Variants in FARP2 observed in about 807,000 individuals in gnomAD.
FARP2 encodes the protein FERM, ARHGEF and pleckstrin domain-containing protein 2.
FARP2 carries 111 observed loss-of-function variants against 130.5 expected under a neutral mutation model. The observed-to-expected ratio is 0.85, with a 90% CI of 0.73 to 1.00. The LOEUF (loss-of-function observed/expected upper bound fraction) is 1.00. Ranked by LOEUF, FARP2 falls within the 50% of genes least tolerant of loss-of-function variation. The probability of loss-of-function intolerance (pLI) is 0.00; values close to 1 mark genes in which losing one functional copy is unlikely to be tolerated. For missense variants in FARP2, 1,385 were observed against 1,346.3 expected (o/e 1.03, Z -0.45); for synonymous variants, 504 against 516.9 (o/e 0.98, Z 0.34).
chr2:241,484,131 C>T, intron 20 of FARP2, 111 bp from the exon 21 acceptor site: 1 of 1,497,322 alleles, frequency 6.7e-7, no homozygotes, highest in Non-Finnish European at 8.9e-7. Context: ...AAATCTCCAG[C>T]AAGCTGCACA....
In FARP2 at chr2:241,434,350, C is replaced by T. The variant is rs756632981; in HGVS notation, c.1031+29C>T. On this transcript the variant is annotated intron_variant, in intron 10 of 26. Coordinates refer to ENST00000264042, the MANE Select transcript of FARP2 (RefSeq NM_014808.4). ...GGGGCCATGCCGTGGCTTGCATGGG[C>T]CCCTCACTGGTTTGTAAAGCTGAGA... The T allele has an allele frequency of 3.2e-5, 49 of 1,535,256 alleles. No homozygotes were observed. The South Asian group carries it at 6.0e-4, about 19-fold the overall frequency.
At chr2:241,478,721 C>T in intron 19 of FARP2, 3 of 465,912 alleles carry the variant, frequency 6.4e-6, no homozygotes, top group South Asian at 1.7e-5. Context: ...AATTAGAGAA[C>T]AAGAGAGCAA....
chr2:241,439,725 G>C (rs1357567175), intron 12 of FARP2, among the ~76,000 whole-genome samples: 1 of 152,178 alleles, frequency 6.6e-6, no homozygotes, highest in East Asian at 1.9e-4. Context: ...ACTTTGGGAG[G>C]TCAAGGCGGG....
chr2:241,486,569 G>T (rs2064758923), intron 21 of FARP2, among the ~76,000 whole-genome samples: 2 of 151,476 alleles, frequency 1.3e-5, no homozygotes, highest in South Asian at 4.2e-4. Context: ...CTGCATGGTT[G>T]CCATCACCCA....
chr2:241,486,518 T>TGTC (rs202062995), intron 21 of FARP2, among the ~76,000 whole-genome samples: 2 of 45,540 alleles, frequency 4.4e-5, no homozygotes, highest in African/African-American at 1.5e-4. Context: ...AAAAGAACTC[T>TGTC]ATCATCGTAC....
chr2:241,385,292 T>C (rs965151904), intron 2 of FARP2, among the ~76,000 whole-genome samples: 1 of 152,192 alleles, frequency 6.6e-6, no homozygotes, highest in Non-Finnish European at 1.5e-5. Flanking sequence ...TTGATGCTGC[T>C]TTTTAAATCA....
At chr2:241,480,808 T>C (rs1032891030) in intron 19 of FARP2, among the ~76,000 whole-genome samples, 3 of 152,118 alleles carry the variant, frequency 2.0e-5, no homozygotes, top group African/African-American at 7.2e-5. Flanking sequence ...CTTTGATCCA[T>C]TTTGAGTTAG....
At chr2:241,416,681 C>CT (rs1460233713) in intron 7 of FARP2, among the ~76,000 whole-genome samples, 2 of 152,166 alleles carry the variant, frequency 1.3e-5, no homozygotes, top group East Asian at 1.9e-4. Context: ...AATCCCAACA[C>CT]TTTGAGAGGC....
At chr2:241,402,836 TTATATATATATA>T (rs1215612816) in intron 2 of FARP2, among the ~76,000 whole-genome samples, 200 of 16,800 alleles carry the variant, frequency 0.012, 2 homozygotes, top group South Asian at 0.015. Context: ...CCCAGCTAAT[TTATATATATATA>T]TATATATATA....
intron 22 of FARP2, among the ~76,000 whole-genome samples, chr2:241,490,273 C>T (rs1016663384): frequency 2.6e-5 from 4 of 152,332 alleles, no homozygotes; most frequent in Middle Eastern, 3.4e-3. Flanking sequence ...AAGTGGCAGG[C>T]CCCAGTGCTG....
In FARP2 at chr2:241,459,122, C is replaced by T. The variant is rs901629978; in HGVS notation, c.1587+2200C>T. On this transcript the variant is annotated intron_variant, in intron 14 of 26. Coordinates refer to ENST00000264042, the MANE Select transcript of FARP2 (RefSeq NM_014808.4). This position sits in a 1 kb window ranked among gnomAD's most constrained non-coding sequence, Gnocchi z 5.3. ...GAGTTGAGATAGCAAGGCTGTTGCC[C>T]AGCACAGGTGGGCTCCGAGATGGCA... Among the ~76,000 whole-genome samples the T allele has an allele frequency of 2.0e-5, 3 of 152,352 alleles. No homozygotes were observed. Among genetic ancestry groups the T allele is most frequent in the Middle Eastern group, 6.8e-3 (2 of 294 alleles).
chr2:241,453,532 G>A (rs368926937), intron 13 of FARP2, among the ~76,000 whole-genome samples: 92 of 151,624 alleles, frequency 6.1e-4, no homozygotes, highest in East Asian at 7.9e-4. Context: ...TGAGGCAGGA[G>A]AATGGCATGA....
Position 241,475,033 on chromosome 2 carries a change from T to C in FARP2, c.2132-824T>C, listed in dbSNP as rs2064421155. On this transcript the variant is annotated intron_variant, in intron 18 of 26. Coordinates refer to ENST00000264042, the MANE Select transcript of FARP2 (RefSeq NM_014808.4). This position sits in a 1 kb window ranked among gnomAD's most constrained non-coding sequence, Gnocchi z 4.4. Reference sequence around the variant, plus strand: ...AGTTTCCTGTCCAGATTATAAACTTTCTCTTATCTTTGCTTGAACTATAAG... The same window carrying C: ...AGTTTCCTGTCCAGATTATAAACTTCCTCTTATCTTTGCTTGAACTATAAG... Among the ~76,000 whole-genome samples, 6 of 152,320 alleles carry C rather than the reference T, an allele frequency of 3.9e-5. No individual in the cohort carries two copies. The South Asian group carries it at 1.2e-3, about 32-fold the overall frequency.
intron 7 of FARP2, among the ~76,000 whole-genome samples, chr2:241,414,683 T>C (rs1260191777): frequency 6.6e-6 from 1 of 152,178 alleles, no homozygotes; most frequent in African/African-American, 2.4e-5. Flanking sequence ...GGAGTGCCTT[T>C]TGTGTGCCCG....
chr2:241,359,707 C>T (rs1046484889), intron 1 of FARP2, among the ~76,000 whole-genome samples: 5 of 152,182 alleles, frequency 3.3e-5, no homozygotes, highest in African/African-American at 1.2e-4. Flanking sequence ...CTTTCTCAGT[C>T]GTCTCCCTTT....
At chr2:241,447,027 T>G (rs1349595521) in intron 13 of FARP2, 1 of 152,238 alleles carries the variant, frequency 6.6e-6, no homozygotes, top group Non-Finnish European at 1.5e-5. Context: ...GTTGTCTGCT[T>G]TGTGGTACTT....
chr2:241,465,925 G>A, intron 17 of FARP2: 1 of 1,423,022 alleles, frequency 7.0e-7, no homozygotes, highest in Non-Finnish European at 9.2e-7. Flanking sequence ...CCCTTTTCCT[G>A]CCTCGACGGA....
chr2:241,477,179 G>T (rs916253425), intron 19 of FARP2, among the ~76,000 whole-genome samples: 2 of 145,934 alleles, frequency 1.4e-5, no homozygotes, highest in East Asian at 2.0e-4. Flanking sequence ...CACCAGGCTG[G>T]GGTGCAGTGC....
intron 2 of FARP2, among the ~76,000 whole-genome samples, chr2:241,382,522 G>A (rs1000432435): frequency 6.6e-6 from 1 of 152,046 alleles, no homozygotes; most frequent in East Asian, 1.9e-4. Flanking sequence ...GGCTCAAGCC[G>A]TATACCAGCC....
Sources: gnomAD v4.1 joint callset for allele counts (sites outside exome capture counted in the v4.1 genomes callset) on GRCh38, gnomAD v4.1.1 for gene constraint, Gnocchi (gnomAD v3.1) non-coding constraint, MANE v1.5 for transcripts, NCBI Gene and HGNC (gene_info 2026-07-23, HGNC 2026-07-21) for gene names.